EMILIN3: variants seen among roughly 807,000 people sequenced by gnomAD.
EMILIN3 encodes the protein elastin microfibril interfacer 3, also known as EMILIN-3.
EMILIN3 carries 38 observed loss-of-function variants against 42.8 expected under a neutral mutation model. That is an observed-to-expected ratio of 0.89 (90% CI 0.69 to 1.16). EMILIN3 has a LOEUF of 1.16. Ranked by LOEUF, EMILIN3 falls within the 50% of genes most tolerant of loss-of-function variation. EMILIN3 has a pLI of 0.00. For synonymous variants in EMILIN3, 430 were observed against 440.5 expected, an observed-to-expected ratio of 0.98 and a Z score of 0.30; for missense variants, 924 against 999.5, an observed-to-expected ratio of 0.92 and a Z score of 1.02.
intron 2 of EMILIN3, 86 bp downstream of exon 2, chr20:41,364,949 G>A: frequency 3.8e-6 from 6 of 1,581,076 alleles, no homozygotes; most frequent in Non-Finnish European, 5.2e-6. Flanking sequence ...GAAGCCCCTT[G>A]TGGAGTTGGC....
At position 41,362,153 on chromosome 20, in the gene EMILIN3, C is replaced by A; in HGVS notation, c.1416G>T (p.Glu472Asp). 6.2e-7 allele frequency: 1 copy of A among 1,611,304 alleles called. No homozygotes were observed. The highest frequency in any genetic ancestry group is 8.5e-7 in the Non-Finnish European group (1 of 1,178,384). The change falls in exon 4 of 4, where the codon GAG becomes GAT. Residue 472 changes from glutamate (E) to aspartate (D), a missense_variant. By Grantham distance (45) the Glu-to-Asp change is conservative. Transcript: ENST00000332312. ...GGCGCTCCTCGAGGCTCTGCACGCG[C>A]TCTTCCAGCATGGTCCCAAAGCCGC... ...GVGGFGTMLEERVQSLEERLA... is the reference protein window; with the variant it reads ...GVGGFGTMLEDRVQSLEERLA...
chr20:41,365,232 T>C, intron 1 of EMILIN3, 75 bp from the exon 2 acceptor site: 1 of 1,568,312 alleles, frequency 6.4e-7, no homozygotes, highest in East Asian at 2.3e-5. Context: ...CCCACCTCCA[T>C]CTGTGGGCCT....
rs991636691 is a variant in EMILIN3 at position 41,366,781 on chromosome 20, G to T, written c.-147C>A. On this transcript the variant is annotated 5_prime_UTR_variant, in exon 1 of 4. Transcript: ENST00000332312. This position sits in a 1 kb window ranked among gnomAD's most constrained non-coding sequence, Gnocchi z 4.2. ...TTCGGCCCCCGAGCTCGCTGGCCCG[G>T]CCGCCTGGCGCTTCGCGGCGGCTGC... The T allele has an allele frequency of 2.5e-6, 1 of 400,868 alleles. No individual in the cohort carries two copies. Among genetic ancestry groups the T allele is most frequent in the African/African-American group, 2.2e-5 (1 of 45,984 alleles). 24.8% of individuals were successfully genotyped at this position (400,868 alleles called of 1,614,324 possible).
Position 41,362,914 on chromosome 20 carries a change from C to A in EMILIN3, c.655G>T (p.Ala219Ser), listed in dbSNP as rs746718245. The A allele has an allele frequency of 6.2e-6, 10 of 1,613,556 alleles. No individual in the cohort carries two copies. Among genetic ancestry groups the A allele is most frequent in the Non-Finnish European group, 5.9e-6 (7 of 1,179,830 alleles). ...CCAAAGCCCACAGGGACAGCAGGAG[C>A]CCTGGGGCCACCAGTCATCCTGTTG... ...DPNRMTGGPR[A>S]PAVPVGFGVI... Residue 219 changes from alanine to serine, a missense_variant, in exon 4 of 4, where the codon GCT becomes TCT. Transcript: ENST00000332312.
chr20:41,365,141 C>CAGGA lies in EMILIN3; in HGVS notation c.183_184insTCCT (p.Val62SerfsTer22). 1 of 1,613,966 alleles carries CAGGA rather than the reference C, an allele frequency of 6.2e-7. No individual in the cohort carries two copies. On this transcript the variant is annotated frameshift_variant, in exon 2 of 4. Transcript: ENST00000332312. LOFTEE classifies it high-confidence loss of function. ...ATGCAGGTCACATTCCTGTGCACCA[C>CAGGA]ATAGGCACAGAGGGCCCTACAGGAG...
At position 41,362,203 on chromosome 20, in the gene EMILIN3, A is replaced by C; in HGVS notation, c.1366T>G (p.Leu456Val). 6.2e-7 allele frequency: 1 copy of C among 1,612,860 alleles called. No homozygotes were observed. Among genetic ancestry groups the C allele is most frequent in the Non-Finnish European group, 8.5e-7 (1 of 1,179,656 alleles). ...CCCACTCCCCACCCCCCCATGTCCA[A>C]CCTCAGACAGCATCCCCTTGCTCCA... The part of the protein sequence containing the change: ...EGGARGCCLR[L>V]DMGGWGVGGF... Residue 456 changes from leucine to valine, a missense_variant, in exon 4 of 4, where the codon TTG becomes GTG. Coordinates refer to ENST00000332312, the MANE Select transcript of EMILIN3 (RefSeq NM_052846.2).
chr20:41,365,291 C>T (rs45585435), intron 1 of EMILIN3, 134 bp from the exon 2 acceptor site: 61,261 of 1,324,470 alleles, frequency 0.046, 1,668 homozygotes, highest in Non-Finnish European at 0.056. Context: ...CTCTGTGTCC[C>T]TGGGAGCCAA....
At position 41,361,213 on chromosome 20, in the gene EMILIN3, G is replaced by T; in HGVS notation, c.*55C>A. ...GCGCTGCTGGATAAGGCTGGGCTCTGGGGTGATGTTCCCCGAGTTGGTGGG... is the reference window on the plus strand; with the variant it reads ...GCGCTGCTGGATAAGGCTGGGCTCTTGGGTGATGTTCCCCGAGTTGGTGGG... On this transcript the variant is annotated 3_prime_UTR_variant, in exon 4 of 4. Transcript: ENST00000332312. 1 of 1,492,306 alleles carries T rather than the reference G, an allele frequency of 6.7e-7. No individual in the cohort carries two copies. Among genetic ancestry groups the T allele is most frequent in the Non-Finnish European group, 9.0e-7 (1 of 1,106,212 alleles). 92.4% of individuals were successfully genotyped at this position (1,492,306 alleles called of 1,614,324 possible). A position where few individuals can be genotyped will look rare whatever the true frequency, so the allele number is the denominator to read the frequency against.
Position 41,365,135 on chromosome 20 carries a change from G to A in EMILIN3, c.190C>T (p.His64Tyr), listed in dbSNP as rs992669641. Reference sequence around the variant, plus strand: ...TGTAGGATGCAGGTCACATTCCTGTGCACCACATAGGCACAGAGGGCCCTA... The same window carrying A: ...TGTAGGATGCAGGTCACATTCCTGTACACCACATAGGCACAGAGGGCCCTA... ...PHKALCAYVV[H>Y]RNVTCILQEG... Residue 64 changes from histidine to tyrosine, a missense_variant, in exon 2 of 4, where the codon CAC (histidine) becomes TAC (tyrosine). His to Tyr is a moderately conservative substitution (Grantham distance 83). Coordinates refer to ENST00000332312, the MANE Select transcript of EMILIN3 (RefSeq NM_052846.2). The A allele has an allele frequency of 6.2e-7, 1 of 1,613,980 alleles. No homozygotes were observed. Among genetic ancestry groups the A allele is most frequent in the South Asian group, 1.1e-5 (1 of 91,080 alleles).
intron 3 of EMILIN3, 78 bp from the exon 4 acceptor site, chr20:41,363,132 G>C: frequency 3.3e-6 from 4 of 1,224,094 alleles, no homozygotes; most frequent in Non-Finnish European, 4.4e-6. Context: ...CCACCCAAGA[G>C]ACTTTCTGTT....
intron 2 of EMILIN3, 145 bp downstream of exon 2, chr20:41,364,890 C>T (rs1166225712): frequency 7.9e-7 from 1 of 1,261,128 alleles, no homozygotes; most frequent in Non-Finnish European, 1.1e-6. Context: ...CTGGGGCCGC[C>T]TTCTACTCTG....
rs187670097 is a variant in EMILIN3 at position 41,366,128 on chromosome 20, C to G, written c.167+340G>C. 2.0e-5 allele frequency among the ~76,000 whole-genome samples: 3 copies of G among 152,294 alleles called. No homozygotes were observed. The East Asian group carries it at 5.8e-4, about 30-fold the overall frequency. ...AGCCCCGCGTGCTCAGCGCGCGGACCGCCTTTCCTCCTCTCCCTCCACCTG... is the reference window on the plus strand; with the variant it reads ...AGCCCCGCGTGCTCAGCGCGCGGACGGCCTTTCCTCCTCTCCCTCCACCTG... On this transcript the variant is annotated intron_variant, in intron 1 of 3. Coordinates refer to ENST00000332312, the MANE Select transcript of EMILIN3 (RefSeq NM_052846.2). The surrounding 1 kb of genome is among the most constrained non-coding windows in gnomAD (Gnocchi z 4.2).
Position 41,361,500 on chromosome 20 carries a change from T to C in EMILIN3, c.2069A>G (p.Asp690Gly), listed in dbSNP as rs753534748. The part of the protein sequence containing the change: ...QKLQHTVGHF[D>G]QRVAQVEGAC... ...ACCCTCCACTTGTGCCACCCGCTGG[T>C]CAAAGTGTCCCACTGTGTGCTGAAG... Residue 690 changes from aspartate (D) to glycine (G), a missense_variant, in exon 4 of 4, where the codon GAC becomes GGC. Asp to Gly is a moderately conservative substitution (Grantham distance 94). Transcript: ENST00000332312. The C allele has an allele frequency of 2.5e-6, 4 of 1,610,540 alleles. No individual in the cohort carries two copies. The highest frequency in any genetic ancestry group is 1.7e-6 in the Non-Finnish European group (2 of 1,177,840).
At position 41,362,907 on chromosome 20, in the gene EMILIN3, G is replaced by A. The variant is rs2046373617; in HGVS notation, c.662C>T (p.Ala221Val). The change falls in exon 4 of 4, where the codon GCT becomes GTT. Residue 221 changes from alanine to valine, a missense_variant. Ala to Val is a moderately conservative substitution (Grantham distance 64, BLOSUM62 0). Coordinates refer to ENST00000332312, the MANE Select transcript of EMILIN3 (RefSeq NM_052846.2). Reference protein sequence around the residue: ...NRMTGGPRAPAVPVGFGVIPE... With the variant: ...NRMTGGPRAPVVPVGFGVIPE... ...GATGACCCCAAAGCCCACAGGGACA[G>A]CAGGAGCCCTGGGGCCACCAGTCAT... The A allele has an allele frequency of 1.9e-6, 3 of 1,613,652 alleles. No individual in the cohort carries two copies. Among genetic ancestry groups the A allele is most frequent in the Non-Finnish European group, 2.5e-6 (3 of 1,179,770 alleles).
Position 41,362,325 on chromosome 20 carries a change from G to A in EMILIN3, c.1244C>T (p.Pro415Leu), listed in dbSNP as rs773386725. 4.0e-5 allele frequency: 64 copies of A among 1,611,488 alleles called. No individual in the cohort carries two copies. The highest frequency in any genetic ancestry group is 5.3e-5 in the African/African-American group (4 of 74,846). Reference protein sequence around the residue: ...VTETQRGPGAPAGDELTRLSA... With the variant: ...VTETQRGPGALAGDELTRLSA... ...GAGCCTCGTAAGCTCATCCCCGGCC[G>A]GGGCACCGGGGCCCCTTTGGGTCTC... The change falls in exon 4 of 4, where the codon CCG (proline) becomes CTG (leucine). Residue 415 changes from proline to leucine, a missense_variant. Physicochemically the swap from Pro to Leu is moderately conservative, Grantham distance 98 (BLOSUM62 -3). Coordinates refer to ENST00000332312, the MANE Select transcript of EMILIN3 (RefSeq NM_052846.2).
chr20:41,363,732 T>C lies in EMILIN3; in HGVS notation c.420A>G (p.Ser140=). The change falls in exon 3 of 4, where the codon TCA becomes TCG. Residue 140 remains serine, a synonymous_variant. Transcript: ENST00000332312. ...PEHLTDHGAA[S]PQLEPEPQIP... ...TCTGAGGCTCAGGCTCCAGCTGGGG[T>C]GAGGCAGCCCCATGGTCCGTGAGGT... 1 of 1,614,014 alleles carries C rather than the reference T, an allele frequency of 6.2e-7. No individual in the cohort carries two copies. Among genetic ancestry groups the C allele is most frequent in the Non-Finnish European group, 8.5e-7 (1 of 1,180,014 alleles).
At position 41,366,545 on chromosome 20, in the gene EMILIN3, C is replaced by T; in HGVS notation, c.90G>A (p.Arg30=). The T allele has an allele frequency of 1.7e-6, 2 of 1,147,846 alleles. No individual in the cohort carries two copies. Among genetic ancestry groups the T allele is most frequent in the Non-Finnish European group, 2.1e-6 (2 of 936,082 alleles). The allele number at this position is 1,147,846 out of a possible 1,614,324, so 71.1% of individuals were successfully genotyped here. The change falls in exon 1 of 4, where the codon CGG becomes CGA. Residue 30 remains arginine, a synonymous_variant. Coordinates refer to ENST00000332312, the MANE Select transcript of EMILIN3 (RefSeq NM_052846.2). The surrounding 1 kb of genome is among the most constrained non-coding windows in gnomAD (Gnocchi z 4.2). ...AGCGGGAGGCACCGGGCGGCGCAGG[C>T]CGCGCCAGGAGCGGGGTGCCCCTGG... The part of the protein sequence containing the change: ...AQARGTPLLA[R]PAPPGASRYS...
In EMILIN3 at chr20:41,363,038, C is replaced by A; in HGVS notation, c.531G>T (p.Gly177=). ...APSPHGRKGP[G]LFGERLERLE... ...GGCGTTCCAGCCGCTCACCAAACAG[C>A]CCTGGGCCTTTCCTTCCTGGGAAAG... The change falls in exon 4 of 4, where the codon GGG becomes GGT. Residue 177 remains glycine, a synonymous_variant. Transcript: ENST00000332312. 1.3e-6 allele frequency: 2 copies of A among 1,580,736 alleles called. No individual in the cohort carries two copies. Among genetic ancestry groups the A allele is most frequent in the South Asian group, 1.1e-5 (1 of 88,664 alleles).
chr20:41,366,438 T>C lies in EMILIN3; in HGVS notation c.167+30A>G, dbSNP rs1280100556. On this transcript the variant is annotated intron_variant, in intron 1 of 3. Transcript: ENST00000332312. This position sits in a 1 kb window ranked among gnomAD's most constrained non-coding sequence, Gnocchi z 4.2. ...CGACGCGCGCGGGCCCATCCCTCCCTCTTCCCGCCCGCCGCCCGCCCGCGC... is the reference window on the plus strand; with the variant it reads ...CGACGCGCGCGGGCCCATCCCTCCCCCTTCCCGCCCGCCGCCCGCCCGCGC... 82 of 1,108,882 alleles carry C rather than the reference T, an allele frequency of 7.4e-5. No homozygotes were observed. Among genetic ancestry groups the C allele is most frequent in the Non-Finnish European group, 8.6e-5 (78 of 910,206 alleles). 68.7% of individuals were successfully genotyped at this position (1,108,882 alleles called of 1,614,324 possible).
Sources: allele counts gnomAD v4.1 joint callset (sites outside exome capture counted in the v4.1 genomes callset), GRCh38; gene constraint gnomAD v4.1.1; non-coding constraint Gnocchi (gnomAD v3.1); transcripts MANE v1.5; gene names NCBI Gene and HGNC (gene_info 2026-07-23, HGNC 2026-07-21).